PARP12: variants seen among roughly 807,000 people sequenced by gnomAD.
PARP12 encodes the protein protein mono-ADP-ribosyltransferase PARP12.
In PARP12, 59 loss-of-function variants were observed where a neutral mutation model predicts 72.4. That is an observed-to-expected ratio of 0.81 (90% CI 0.66 to 1.01). The LOEUF (loss-of-function observed/expected upper bound fraction) is 1.01, where lower values mean the gene tolerates loss of function less well. PARP12 is among the 50% of genes least tolerant of loss of function. The probability of loss-of-function intolerance (pLI) is 0.00; values close to 1 mark genes in which losing one functional copy is unlikely to be tolerated. For synonymous variants in PARP12, 403 were observed against 371.4 expected, an observed-to-expected ratio of 1.09 and a Z score of -0.98; for missense variants, 851 against 914.0, an observed-to-expected ratio of 0.93 and a Z score of 0.89.
chr7:140,036,037 GAA>G (rs1816179668), intron 7 of PARP12, among the ~76,000 whole-genome samples: 2 of 99,628 alleles, frequency 2.0e-5, no homozygotes, highest in Non-Finnish European at 3.9e-5. Context: ...AGAAGGAGGA[GAA>G]GGAGGAGAAG....
In PARP12 at chr7:140,023,781, T is replaced by C. The variant is rs767939513; in HGVS notation, c.*779A>G. On this transcript the variant is annotated 3_prime_UTR_variant, in exon 12 of 12. Transcript: ENST00000263549. ...AAATTTTCTTTTATTTCCATACTCT[T>C]TTGTGACATGTGTGGCACAAGTATT... 3 of 152,818 alleles carry C rather than the reference T, an allele frequency of 2.0e-5. No individual in the cohort carries two copies. Among genetic ancestry groups the C allele is most frequent in the Admixed American group, 6.5e-5 (1 of 15,306 alleles). 9.5% of individuals were successfully genotyped at this position (152,818 alleles called of 1,614,324 possible).
chr7:140,059,174 C>A (rs921707118), intron 1 of PARP12, among the ~76,000 whole-genome samples: 6 of 152,004 alleles, frequency 3.9e-5, no homozygotes, highest in Non-Finnish European at 8.8e-5. Context: ...GTGTATTTAC[C>A]AAGGAGGAGA....
chr7:140,047,561 T>C (rs1816782720), intron 4 of PARP12, among the ~76,000 whole-genome samples: 1 of 152,216 alleles, frequency 6.6e-6, no homozygotes. Flanking sequence ...TACTCTGTTA[T>C]AAGCAACAAA....
rs539148611 is a variant in PARP12 at position 140,027,076 on chromosome 7, G to A, written c.1628+200C>T. Among the ~76,000 whole-genome samples the A allele has an allele frequency of 2.0e-4, 31 of 152,232 alleles. No individual in the cohort carries two copies. The South Asian group carries it at 6.2e-3, about 31-fold the overall frequency. ...CAGGTGGTATGCTCCAGGAAGCCTC[G>A]GTGCCCTCATCTCTACAATGGGATG... On this transcript the variant is annotated intron_variant, in intron 10 of 11. Coordinates refer to ENST00000263549, the MANE Select transcript of PARP12 (RefSeq NM_022750.4).
intron 7 of PARP12, among the ~76,000 whole-genome samples, chr7:140,037,019 G>A (rs1028998770): frequency 5.9e-5 from 9 of 152,078 alleles, no homozygotes; most frequent in East Asian, 1.9e-4. Flanking sequence ...CTCCAAAGTC[G>A]CCTACAGAAA....
chr7:140,044,455 G>A (rs1816632922), intron 5 of PARP12, among the ~76,000 whole-genome samples: 1 of 152,142 alleles, frequency 6.6e-6, no homozygotes, highest in Non-Finnish European at 1.5e-5. Flanking sequence ...TACAAGCCAA[G>A]GCATGCCAAG....
intron 1 of PARP12, 146 bp downstream of exon 1, chr7:140,062,374 ACG>A (rs1266304659): frequency 2.4e-6 from 2 of 828,038 alleles, no homozygotes; most frequent in African/African-American, 3.7e-5. Context: ...TGCTCATTAA[ACG>A]CTCGCTTTAG....
rs1325685031 is a variant in PARP12, at chr7:140,034,404, A to G, written c.1325-73T>C. 3 of 1,262,104 alleles carry G rather than the reference A, an allele frequency of 2.4e-6. No homozygotes were observed. The Admixed American group carries it at 6.3e-5, about 27-fold the overall frequency. The allele number at this position is 1,262,104 out of a possible 1,614,324, so 78.2% of individuals were successfully genotyped here. A position where few individuals can be genotyped will look rare whatever the true frequency, so the allele number is the denominator to read the frequency against. On this transcript the variant is annotated intron_variant, in intron 7 of 11. Transcript: ENST00000263549. ...ACACACAGGATGGCAATGTTTTATA[A>G]ACACAAATTAGATAGATTTGAAAGC...
intron 7 of PARP12, among the ~76,000 whole-genome samples, chr7:140,035,863 GGAA>G (rs1816131288): frequency 6.7e-6 from 1 of 150,282 alleles, no homozygotes; most frequent in African/African-American, 2.5e-5. Flanking sequence ...AGGAGGAGGG[GGAA>G]GAGGAAGAGG....
At chr7:140,045,574 T>C (rs1283812452) in intron 5 of PARP12, among the ~76,000 whole-genome samples, 1 of 152,356 alleles carries the variant, frequency 6.6e-6, no homozygotes, top group East Asian at 1.9e-4. Flanking sequence ...CAAAAGGCAC[T>C]GATTGGCTTA....
At chr7:140,037,241 T>C (rs1041192970) in intron 7 of PARP12, among the ~76,000 whole-genome samples, 2 of 152,186 alleles carry the variant, frequency 1.3e-5, no homozygotes, top group East Asian at 3.8e-4. Flanking sequence ...CGAGAATCAC[T>C]TGAACCCGGG....
At chr7:140,035,701 T>C (rs1018301205) in intron 7 of PARP12, among the ~76,000 whole-genome samples, 5 of 152,194 alleles carry the variant, frequency 3.3e-5, no homozygotes, top group Non-Finnish European at 7.3e-5. Flanking sequence ...TTAAATGTAC[T>C]TGCTTCCTAA....
At chr7:140,035,092 C>T (rs1816097215) in intron 7 of PARP12, among the ~76,000 whole-genome samples, 1 of 152,130 alleles carries the variant, frequency 6.6e-6, no homozygotes, top group South Asian at 2.1e-4. Flanking sequence ...TTTTCATTTA[C>T]AAAACATTTT....
chr7:140,030,258 A>G (rs567480742), intron 8 of PARP12, among the ~76,000 whole-genome samples: 2 of 152,352 alleles, frequency 1.3e-5, no homozygotes, highest in East Asian at 3.9e-4. Context: ...CCTACAACCC[A>G]AAATTCTATA....
intron 5 of PARP12, among the ~76,000 whole-genome samples, chr7:140,045,329 G>A (rs751336954): frequency 1.3e-5 from 2 of 152,142 alleles, no homozygotes; most frequent in Non-Finnish European, 2.9e-5. Context: ...TGCTGCGCTC[G>A]ACCCACATCT....
At chr7:140,047,078 C>G (rs1051674608) in intron 4 of PARP12, 71 bp from the exon 5 acceptor site, 1 of 1,510,126 alleles carries the variant, frequency 6.6e-7, no homozygotes, top group African/African-American at 1.4e-5. Flanking sequence ...TGGTTGTCAA[C>G]AGGTGTGGTG....
In PARP12 at chr7:140,057,103, AAAGGCAC is replaced by A. The variant is rs757544029; in HGVS notation, c.506_512del (p.Cys169PhefsTer45). 6.2e-7 allele frequency: 1 copy of A among 1,614,170 alleles called. No homozygotes were observed. The highest frequency in any genetic ancestry group is 8.5e-7 in the Non-Finnish European group (1 of 1,180,044). ...TATGGAGCTTGATGCACTGCTTTTG[AAAGGCAC>A]AAGAGCCGTGGGGTCCATCTCCTTT... is the stretch of plus-strand genomic sequence containing the variant. On this transcript the variant is annotated frameshift_variant, in exon 3 of 12. Transcript: ENST00000263549. LOFTEE classifies it high-confidence loss of function.
intron 8 of PARP12, among the ~76,000 whole-genome samples, chr7:140,032,475 C>T (rs991951897): frequency 3.9e-5 from 6 of 152,096 alleles, no homozygotes; most frequent in African/African-American, 1.4e-4. Context: ...CCGCACCTGG[C>T]CATACCTCCA....
intron 4 of PARP12, among the ~76,000 whole-genome samples, chr7:140,047,746 T>C (rs1816791987): frequency 6.6e-6 from 1 of 152,078 alleles, no homozygotes; most frequent in Non-Finnish European, 1.5e-5. Context: ...GCCTCCTCAG[T>C]AGCTGGGATT....
Sources: gnomAD v4.1 joint callset for allele counts (sites outside exome capture counted in the v4.1 genomes callset) on GRCh38, gnomAD v4.1.1 for gene constraint, MANE v1.5 for transcripts, NCBI Gene and HGNC (gene_info 2026-07-23, HGNC 2026-07-21) for gene names.